FBXL2: variants seen among roughly 807,000 people sequenced by gnomAD.
The protein encoded by FBXL2 is F-box and leucine rich repeat protein 2, also known as F-box/LRR-repeat protein 2.
FBXL2 carries 38 observed loss-of-function variants against 69.2 expected under a neutral mutation model. The observed-to-expected ratio is 0.55, with a 90% CI of 0.42 to 0.72. The LOEUF (loss-of-function observed/expected upper bound fraction) is 0.72, where lower values mean the gene tolerates loss of function less well. Among genes scored for constraint, FBXL2 ranks in the 30% least tolerant of loss-of-function variants. FBXL2 has a pLI of 0.00. For synonymous variants in FBXL2, 192 were observed against 201.3 expected (o/e 0.95, Z 0.39); for missense variants, 354 against 520.3 (o/e 0.68, Z 3.11).
At chr3:33,392,461 TA>T, downstream of FBXL2, 1 of 1,001,710 alleles carries the variant, frequency 1.0e-6, no homozygotes, top group Non-Finnish European at 1.4e-6. Flanking sequence ...TTAAAATGAG[TA>T]AAGCAATCAT....
At chr3:33,305,868 G>A (rs1327554155) in intron 2 of FBXL2, among the ~76,000 whole-genome samples, 5 of 151,808 alleles carry the variant, frequency 3.3e-5, no homozygotes, top group Admixed American at 6.6e-5. Context: ...AAACTCTGCT[G>A]TATCTGTTGT....
intron 2 of FBXL2, among the ~76,000 whole-genome samples, chr3:33,308,541 G>T (rs919947538): frequency 6.6e-6 from 1 of 152,146 alleles, no homozygotes; most frequent in African/African-American, 2.4e-5. Context: ...TGTAGAATTA[G>T]AATATCCTGT....
At chr3:33,370,002 T>C (rs2042186582) in intron 5 of FBXL2, among the ~76,000 whole-genome samples, 1 of 152,254 alleles carries the variant, frequency 6.6e-6, no homozygotes, top group Admixed American at 6.5e-5. Flanking sequence ...TATTTTTATC[T>C]GGTATCATTT....
At position 33,359,489 on chromosome 3, in the gene FBXL2, T is replaced by G. The variant is rs780230891; in HGVS notation, c.195+132T>G. The G allele has an allele frequency of 8.0e-4, 421 of 527,696 alleles. 3 individuals carry two copies. Among genetic ancestry groups the G allele is most frequent in the Admixed American group, 2.6e-4 (8 of 31,252 alleles). The allele number at this position is 527,696 out of a possible 1,614,324, so 32.7% of individuals were successfully genotyped here. A position where few individuals can be genotyped will look rare whatever the true frequency, so the allele number is the denominator to read the frequency against. ...GAGGTAGAACAGAAAGAAGAAAAAC[T>G]GGAAGGGATTTGCATACATCAAAAC... On this transcript the variant is annotated intron_variant, in intron 4 of 14. Transcript: ENST00000484457.
intron 2 of FBXL2, among the ~76,000 whole-genome samples, chr3:33,342,893 G>GTTT (rs60623868): frequency 0.22 from 21,724 of 98,452 alleles, 2,677 homozygotes; most frequent in East Asian, 0.45. Context: ...ACGCCCAGCT[G>GTTT]TTTTTTTTTT....
At chr3:33,406,063 T>C (rs1007957487), downstream of FBXL2, among the ~76,000 whole-genome samples, 1 of 152,230 alleles carries the variant, frequency 6.6e-6, no homozygotes. Flanking sequence ...TTGCATGGCA[T>C]AGCAACTTTG....
chr3:33,333,269 T>C (rs960790229), intron 2 of FBXL2, among the ~76,000 whole-genome samples: 1 of 152,168 alleles, frequency 6.6e-6, no homozygotes, highest in African/African-American at 2.4e-5. Context: ...AGAGAAAATA[T>C]TGATAATAAC....
chr3:33,369,446 G>A (rs892879193), intron 5 of FBXL2, among the ~76,000 whole-genome samples: 2 of 151,878 alleles, frequency 1.3e-5, no homozygotes, highest in Admixed American at 1.3e-4. Flanking sequence ...AGAGTTTATT[G>A]ACTGCATCTT....
chr3:33,389,697 T>C (rs2043681123), downstream of FBXL2: 1 of 152,594 alleles, frequency 6.6e-6, no homozygotes, highest in Non-Finnish European at 1.5e-5. Context: ...CTCACCAAGG[T>C]ACTCCTGATA....
chr3:33,394,968 TGACC>T (rs1201552310), intron 12 of FBXL2, among the ~76,000 whole-genome samples: 1 of 152,140 alleles, frequency 6.6e-6, no homozygotes, highest in African/African-American at 2.4e-5. Context: ...ATTTACTACC[TGACC>T]TTTTACAGAA....
rs767897982 is a variant in FBXL2, at chr3:33,359,012, G to A, written c.111G>A (p.Gln37=). The A allele has an allele frequency of 2.6e-6, 4 of 1,549,146 alleles. No homozygotes were observed. In the East Asian group the frequency reaches 9.2e-5, roughly 36 times the overall value. Residue 37 remains glutamine (Q), a synonymous_variant, in exon 3 of 15, where the codon CAG becomes CAA. Coordinates refer to ENST00000484457, the MANE Select transcript of FBXL2 (RefSeq NM_012157.5). The stretch of plus-strand genomic sequence containing the variant: ...TAGTAACTTTGTGCCGATGTGCACA[G>A]ATTTCCAAGGTAGAGTATTCACCAG... The part of the protein sequence containing the change: ...LDIVTLCRCA[Q]ISKAWNILAL...
chr3:33,342,005 T>C (rs2040059312), intron 2 of FBXL2, among the ~76,000 whole-genome samples: 1 of 49,536 alleles, frequency 2.0e-5, no homozygotes, highest in Non-Finnish European at 3.8e-5. Flanking sequence ...TTTCTTTATC[T>C]TTTTTTTTTT....
the FBXL2 span, chr3:33,414,314 T>A: frequency 3.3e-5 from 5 of 151,988 alleles, no homozygotes; most frequent in Non-Finnish European, 5.9e-5. Flanking sequence ...GAAAGGAACT[T>A]CTTATATGAA....
chr3:33,353,727 A>T (rs573808276), intron 2 of FBXL2, among the ~76,000 whole-genome samples: 9 of 152,152 alleles, frequency 5.9e-5, no homozygotes, highest in South Asian at 4.2e-4. Flanking sequence ...TCTTCAAAAA[A>T]TTTTTTTTTC....
chr3:33,380,085 C>T (rs182558394), intron 13 of FBXL2, among the ~76,000 whole-genome samples: 19 of 151,940 alleles, frequency 1.3e-4, no homozygotes, highest in Middle Eastern at 3.4e-3. Context: ...ATTAGCTGGG[C>T]GTGGTGGCAC....
At chr3:33,282,569 T>A (rs2034145787) in intron 1 of FBXL2, among the ~76,000 whole-genome samples, 1 of 152,208 alleles carries the variant, frequency 6.6e-6, no homozygotes, top group Non-Finnish European at 1.5e-5. Context: ...AGTAGTTTTT[T>A]CCAATTCTGT....
At chr3:33,281,614 C>T (rs774066412) in intron 1 of FBXL2, among the ~76,000 whole-genome samples, 1 of 152,142 alleles carries the variant, frequency 6.6e-6, no homozygotes, top group African/African-American at 2.4e-5. Context: ...CTTGAGGAAT[C>T]GCCGCACTGT....
chr3:33,327,016 A>G (rs2038752001), intron 2 of FBXL2, among the ~76,000 whole-genome samples: 1 of 152,178 alleles, frequency 6.6e-6, no homozygotes, highest in East Asian at 1.9e-4. Context: ...GAATTTTCTA[A>G]AGTCCTGTTA....
the FBXL2 span, chr3:33,409,559 C>A: frequency 1.2e-6 from 2 of 1,614,206 alleles, no homozygotes; most frequent in Non-Finnish European, 1.7e-6. Flanking sequence ...CCCTTTTCAC[C>A]TCCGTGCTTC....
Sources: allele counts gnomAD v4.1 joint callset (sites outside exome capture counted in the v4.1 genomes callset), GRCh38; gene constraint gnomAD v4.1.1; transcripts MANE v1.5; gene names NCBI Gene and HGNC (gene_info 2026-07-23, HGNC 2026-07-21).